Variants in KCNQ1OT1 observed in about 807,000 individuals in gnomAD.
The protein encoded by KCNQ1OT1 is KCNQ1 opposite strand/antisense transcript 1.
In KCNQ1OT1 at chr11:2,621,649, G is replaced by C; in HGVS notation, n.78346C>G. ...TCTAGGAATTTGTCCATTTCCTCTA[G>C]GTTATCCAATTTGTTGGGATATAAT... On this transcript the variant is annotated non_coding_transcript_exon_variant, in exon 1 of 1. Coordinates refer to ENST00000597346, the Ensembl canonical transcript of KCNQ1OT1. This position sits in a 1 kb window ranked among gnomAD's most constrained non-coding sequence, Gnocchi z 5.7. 5.0e-6 allele frequency: 2 copies of C among 398,160 alleles called. No individual in the cohort carries two copies. Among genetic ancestry groups the C allele is most frequent in the East Asian group, 3.6e-5 (1 of 28,036 alleles). The allele number at this position is 398,160 out of a possible 1,614,324, so 24.7% of individuals were successfully genotyped here.
exon 1 of KCNQ1OT1, chr11:2,697,164 G>C: frequency 2.5e-6 from 1 of 398,582 alleles, no homozygotes; most frequent in Non-Finnish European, 4.4e-6. Flanking sequence ...ATATGTGCTT[G>C]TATAGTTCTG....
exon 1 of KCNQ1OT1, chr11:2,638,282 C>A (rs1167654134): frequency 6.6e-6 from 1 of 152,212 alleles, no homozygotes; most frequent in African/African-American, 2.4e-5. Flanking sequence ...ATGGTCTTTA[C>A]AATTTGTCAT....
rs1850006516 is a variant in KCNQ1OT1 at position 2,663,480 on chromosome 11, T to G, written n.36515A>C. On this transcript the variant is annotated non_coding_transcript_exon_variant, in exon 1 of 1. Transcript: ENST00000597346. The surrounding 1 kb of genome is among the most constrained non-coding windows in gnomAD (Gnocchi z 5.2). ...TCAGTGTTAGTTTAGTGGCTCATGT[T>G]GTGTGCAATACAGGTGGCAGTGCCT... 2.5e-6 allele frequency: 1 copy of G among 398,566 alleles called. No homozygotes were observed. Among genetic ancestry groups the G allele is most frequent in the South Asian group, 1.3e-4 (1 of 7,856 alleles). 24.7% of individuals were successfully genotyped at this position (398,566 alleles called of 1,614,324 possible).
In KCNQ1OT1 at chr11:2,698,146, A is replaced by G. The variant is rs1850709310; in HGVS notation, n.1849T>C. On this transcript the variant is annotated non_coding_transcript_exon_variant, in exon 1 of 1. Coordinates refer to ENST00000597346, the Ensembl canonical transcript of KCNQ1OT1. This position sits in a 1 kb window ranked among gnomAD's most constrained non-coding sequence, Gnocchi z 5.1. ...TACAGAGCAGGCAGCAGAAAACAAAACAGAGTTCCTCGTTGGGAGCTTTTG... is the reference window on the plus strand; with the variant it reads ...TACAGAGCAGGCAGCAGAAAACAAAGCAGAGTTCCTCGTTGGGAGCTTTTG... 7.5e-6 allele frequency: 3 copies of G among 398,546 alleles called. No individual in the cohort carries two copies. Among genetic ancestry groups the G allele is most frequent in the Non-Finnish European group, 1.3e-5 (3 of 226,082 alleles). The allele number at this position is 398,546 out of a possible 1,614,324, so 24.7% of individuals were successfully genotyped here. A position where few individuals can be genotyped will look rare whatever the true frequency, so the allele number is the denominator to read the frequency against.
chr11:2,687,255 C>T lies in KCNQ1OT1; in HGVS notation n.12740G>A, dbSNP rs980129431. On this transcript the variant is annotated non_coding_transcript_exon_variant, in exon 1 of 1. Transcript: ENST00000597346. This position sits in a 1 kb window ranked among gnomAD's most constrained non-coding sequence, Gnocchi z 5.0. Reference sequence around the variant, plus strand: ...ACTCAGCCAGCATCACTACCAGCTCCGGGCTTCTCTCCTCTGGCCTCCCAC... The same window carrying T: ...ACTCAGCCAGCATCACTACCAGCTCTGGGCTTCTCTCCTCTGGCCTCCCAC... 9 of 398,660 alleles carry T rather than the reference C, an allele frequency of 2.3e-5. No individual in the cohort carries two copies. Among genetic ancestry groups the T allele is most frequent in the Middle Eastern group, 6.3e-4 (1 of 1,588 alleles). The allele number at this position is 398,660 out of a possible 1,614,324, so 24.7% of individuals were successfully genotyped here.
In KCNQ1OT1 at chr11:2,695,507, C is replaced by T; in HGVS notation, n.4488G>A. The T allele has an allele frequency of 2.5e-6, 1 of 398,652 alleles. No homozygotes were observed. The highest frequency in any genetic ancestry group is 4.4e-6 in the Non-Finnish European group (1 of 226,120). 24.7% of individuals were successfully genotyped at this position (398,652 alleles called of 1,614,324 possible). A position where few individuals can be genotyped will look rare whatever the true frequency, so the allele number is the denominator to read the frequency against. ...TGAAGTGTACATCTAGTCCCCTGCT[C>T]CTAACCACAGTGACCAGCTCCAACT... On this transcript the variant is annotated non_coding_transcript_exon_variant, in exon 1 of 1. Transcript: ENST00000597346. This position sits in a 1 kb window ranked among gnomAD's most constrained non-coding sequence, Gnocchi z 5.2.
chr11:2,615,184 T>G, exon 1 of KCNQ1OT1: 1 of 398,246 alleles, frequency 2.5e-6, no homozygotes, highest in Non-Finnish European at 4.4e-6. Context: ...AAAATTGACT[T>G]CCTTCTTGGG....
In KCNQ1OT1 at chr11:2,623,708, C is replaced by T. The variant is rs1408901832; in HGVS notation, n.76287G>A. ...CTCGGTTGCTTCCAATTTCAACAAT[C>T]ACAAATAAAGCTTCTGTAAACATCT... On this transcript the variant is annotated non_coding_transcript_exon_variant, in exon 1 of 1. Coordinates refer to ENST00000597346, the Ensembl canonical transcript of KCNQ1OT1. The surrounding 1 kb of genome is among the most constrained non-coding windows in gnomAD (Gnocchi z 5.2). 1 of 398,376 alleles carries T rather than the reference C, an allele frequency of 2.5e-6. No individual in the cohort carries two copies. The highest frequency in any genetic ancestry group is 4.4e-6 in the Non-Finnish European group (1 of 226,038). 24.7% of individuals were successfully genotyped at this position (398,376 alleles called of 1,614,324 possible). A position where few individuals can be genotyped will look rare whatever the true frequency, so the allele number is the denominator to read the frequency against.
rs1196242493 is a variant in KCNQ1OT1 at position 2,679,609 on chromosome 11, G to A, written n.20386C>T. On this transcript the variant is annotated non_coding_transcript_exon_variant, in exon 1 of 1. Transcript: ENST00000597346. The surrounding 1 kb of genome is among the most constrained non-coding windows in gnomAD (Gnocchi z 4.8). ...ACAAAGCTGATGGGGAGGCGAGTTG[G>A]AATGAATAGTATCAGCATCAGAAAA... 4 of 398,492 alleles carry A rather than the reference G, an allele frequency of 1.0e-5. No individual in the cohort carries two copies. Among genetic ancestry groups the A allele is most frequent in the African/African-American group, 2.1e-5 (1 of 48,612 alleles). The allele number at this position is 398,492 out of a possible 1,614,324, so 24.7% of individuals were successfully genotyped here.
exon 1 of KCNQ1OT1, chr11:2,675,010 G>A (rs541240244): frequency 1.0e-5 from 4 of 398,446 alleles, no homozygotes; most frequent in Admixed American, 4.4e-5. Flanking sequence ...GCTTCTTCCC[G>A]CCTGACTTCT....
Position 2,669,646 on chromosome 11 carries a change from T to C in KCNQ1OT1, n.30349A>G, listed in dbSNP as rs1225767564. ...CAGCCTCAGTTTCCTCTTGTATACA[T>C]TGGGAGTATATCTCACAGTATTAGT... is the stretch of plus-strand genomic sequence containing the variant. On this transcript the variant is annotated non_coding_transcript_exon_variant, in exon 1 of 1. Coordinates refer to ENST00000597346, the Ensembl canonical transcript of KCNQ1OT1. The surrounding 1 kb of genome is among the most constrained non-coding windows in gnomAD (Gnocchi z 5.6). 14 of 398,512 alleles carry C rather than the reference T, an allele frequency of 3.5e-5. No individual in the cohort carries two copies. Among genetic ancestry groups the C allele is most frequent in the Admixed American group, 8.8e-5 (2 of 22,718 alleles). The allele number at this position is 398,512 out of a possible 1,614,324, so 24.7% of individuals were successfully genotyped here. A position where few individuals can be genotyped will look rare whatever the true frequency, so the allele number is the denominator to read the frequency against.
chr11:2,683,383 G>A lies in KCNQ1OT1; in HGVS notation n.16612C>T. 1 of 398,630 alleles carries A rather than the reference G, an allele frequency of 2.5e-6. No individual in the cohort carries two copies. The highest frequency in any genetic ancestry group is 4.4e-6 in the Non-Finnish European group (1 of 226,074). 24.7% of individuals were successfully genotyped at this position (398,630 alleles called of 1,614,324 possible). A position where few individuals can be genotyped will look rare whatever the true frequency, so the allele number is the denominator to read the frequency against. Reference sequence around the variant, plus strand: ...TGCTGTCTGCAAATGCAGGTTCCTGGGGCTCTGGGTGGTTTGTCCAATGGC... The same window carrying A: ...TGCTGTCTGCAAATGCAGGTTCCTGAGGCTCTGGGTGGTTTGTCCAATGGC... On this transcript the variant is annotated non_coding_transcript_exon_variant, in exon 1 of 1. Transcript: ENST00000597346. This position sits in a 1 kb window ranked among gnomAD's most constrained non-coding sequence, Gnocchi z 4.7.
Position 2,621,489 on chromosome 11 carries a change from C to T in KCNQ1OT1, n.78506G>A. 1 of 398,518 alleles carries T rather than the reference C, an allele frequency of 2.5e-6. No individual in the cohort carries two copies. The highest frequency in any genetic ancestry group is 4.4e-6 in the Non-Finnish European group (1 of 226,038). 24.7% of individuals were successfully genotyped at this position (398,518 alleles called of 1,614,324 possible). A position where few individuals can be genotyped will look rare whatever the true frequency, so the allele number is the denominator to read the frequency against. On this transcript the variant is annotated non_coding_transcript_exon_variant, in exon 1 of 1. Transcript: ENST00000597346. This position sits in a 1 kb window ranked among gnomAD's most constrained non-coding sequence, Gnocchi z 5.7. ...GTTTGCAAATATTTTTTCTCCCATTCTATATGTTGTCTGTTTACTCTGTTG... is the reference window on the plus strand; with the variant it reads ...GTTTGCAAATATTTTTTCTCCCATTTTATATGTTGTCTGTTTACTCTGTTG...
chr11:2,696,040 T>G (rs1268817656), exon 1 of KCNQ1OT1: 2 of 398,506 alleles, frequency 5.0e-6, no homozygotes, highest in Admixed American at 8.8e-5. Context: ...AATTGTTTCC[T>G]TAGTATTATT....
chr11:2,620,855 A>G lies in KCNQ1OT1; in HGVS notation n.79140T>C, dbSNP rs1249715233. ...CTCTGCAGCCTTCCCAGCAACTTTT[A>G]TTTTTTTGACTTTTTAATAATTGCC... On this transcript the variant is annotated non_coding_transcript_exon_variant, in exon 1 of 1. Transcript: ENST00000597346. The surrounding 1 kb of genome is among the most constrained non-coding windows in gnomAD (Gnocchi z 4.5). 3 of 395,840 alleles carry G rather than the reference A, an allele frequency of 7.6e-6. No individual in the cohort carries two copies. Among genetic ancestry groups the G allele is most frequent in the Admixed American group, 4.5e-5 (1 of 22,470 alleles). The allele number at this position is 395,840 out of a possible 1,614,324, so 24.5% of individuals were successfully genotyped here. A position where few individuals can be genotyped will look rare whatever the true frequency, so the allele number is the denominator to read the frequency against.
Position 2,668,791 on chromosome 11 carries a change from G to A in KCNQ1OT1, n.31204C>T. 2.5e-6 allele frequency: 1 copy of A among 398,522 alleles called. No individual in the cohort carries two copies. Among genetic ancestry groups the A allele is most frequent in the East Asian group, 3.6e-5 (1 of 28,078 alleles). The allele number at this position is 398,522 out of a possible 1,614,324, so 24.7% of individuals were successfully genotyped here. A position where few individuals can be genotyped will look rare whatever the true frequency, so the allele number is the denominator to read the frequency against. On this transcript the variant is annotated non_coding_transcript_exon_variant, in exon 1 of 1. Coordinates refer to ENST00000597346, the Ensembl canonical transcript of KCNQ1OT1. The surrounding 1 kb of genome is among the most constrained non-coding windows in gnomAD (Gnocchi z 4.3). ...TGATGGTGTCTTTTGATGAACAGAAGGTCTTAATTTTCATGTGGTCCAGTT... is the reference window on the plus strand; with the variant it reads ...TGATGGTGTCTTTTGATGAACAGAAAGTCTTAATTTTCATGTGGTCCAGTT...
At chr11:2,641,773 C>T in exon 1 of KCNQ1OT1, 2 of 398,396 alleles carry the variant, frequency 5.0e-6, no homozygotes, top group Non-Finnish European at 8.9e-6. Context: ...TAGTTTCATG[C>T]CTCATGTTTA....
At position 2,693,384 on chromosome 11, in the gene KCNQ1OT1, G is replaced by A. The variant is rs868508073; in HGVS notation, n.6611C>T. ...GCCGAGTCTGGCCAAGCAGCAGTGT[G>A]TGGAGCTGGGCCTGGGCCTAAGCTG... On this transcript the variant is annotated non_coding_transcript_exon_variant, in exon 1 of 1. Coordinates refer to ENST00000597346, the Ensembl canonical transcript of KCNQ1OT1. 20 of 398,664 alleles carry A rather than the reference G, an allele frequency of 5.0e-5. No individual in the cohort carries two copies. In the South Asian group the frequency reaches 8.9e-4, roughly 18 times the overall value. 24.7% of individuals were successfully genotyped at this position (398,664 alleles called of 1,614,324 possible).
Position 2,663,719 on chromosome 11 carries a change from G to T in KCNQ1OT1, n.36276C>A. 2.5e-6 allele frequency: 1 copy of T among 398,714 alleles called. No homozygotes were observed. 24.7% of individuals were successfully genotyped at this position (398,714 alleles called of 1,614,324 possible). Reference sequence around the variant, plus strand: ...CTTACCAACTCTTGGGTCTTGCAAGGCCCCTGCAGGTGAAGGTGGTGAGAG... The same window carrying T: ...CTTACCAACTCTTGGGTCTTGCAAGTCCCCTGCAGGTGAAGGTGGTGAGAG... On this transcript the variant is annotated non_coding_transcript_exon_variant, in exon 1 of 1. Coordinates refer to ENST00000597346, the Ensembl canonical transcript of KCNQ1OT1. This position sits in a 1 kb window ranked among gnomAD's most constrained non-coding sequence, Gnocchi z 5.2.
Sources: allele counts gnomAD v4.1 joint callset, GRCh38; gene constraint gnomAD v4.1.1; non-coding constraint Gnocchi (gnomAD v3.1); transcripts MANE v1.5; gene names NCBI Gene and HGNC (gene_info 2026-07-23, HGNC 2026-07-21).